Variants in ARHGAP22 observed in about 807,000 individuals in gnomAD.
ARHGAP22 encodes rho GTPase-activating protein 22.
In ARHGAP22, 48 loss-of-function variants were observed where a neutral mutation model predicts 59.1. The ratio of observed to expected loss-of-function variants is 0.81; its 90% CI spans 0.64 to 1.03. The LOEUF is 1.03. ARHGAP22 is among the 50% of genes least tolerant of loss of function. The pLI, the probability that ARHGAP22 is intolerant of heterozygous loss-of-function variation, is 0.00. For synonymous variants in ARHGAP22, 445 were observed against 416.4 expected (o/e 1.07, Z -0.84); for missense variants, 1,015 against 958.7 (o/e 1.06, Z -0.78).
chr10:48,435,110 C>T, the ARHGAP22 span: 1 of 1,078,680 alleles, frequency 9.3e-7, no homozygotes, highest in South Asian at 2.7e-5. Context: ...ATTCAGTGGT[C>T]TTATTTTTGG....
chr10:48,451,287 G>T, intron 8 of ARHGAP22, 147 bp from the exon 9 acceptor site: 1 of 1,123,386 alleles, frequency 8.9e-7, no homozygotes, highest in Non-Finnish European at 1.3e-6. Context: ...CATCCGCCCA[G>T]AGGAAAGGAC....
intron 2 of ARHGAP22, among the ~76,000 whole-genome samples, chr10:48,573,594 T>A (rs536691376): frequency 6.6e-6 from 1 of 152,376 alleles, no homozygotes; most frequent in African/African-American, 2.4e-5. Context: ...GCAACTTCCT[T>A]TTTATAATTC....
At chr10:48,593,223 C>A (rs1228790730) in intron 1 of ARHGAP22, among the ~76,000 whole-genome samples, 1 of 152,178 alleles carries the variant, frequency 6.6e-6, no homozygotes, top group Non-Finnish European at 1.5e-5. Context: ...AAACTGCTTC[C>A]CCCACTGCTC....
At chr10:48,609,679 G>A (rs922434645), upstream of ARHGAP22, among the ~76,000 whole-genome samples, 9 of 152,054 alleles carry the variant, frequency 5.9e-5, no homozygotes, top group Non-Finnish European at 1.2e-4. Context: ...GCATCCCTCT[G>A]GACCTTGTTC....
At chr10:48,627,327 T>C (rs2061486408) in intron 1 of ARHGAP22, among the ~76,000 whole-genome samples, 2 of 152,226 alleles carry the variant, frequency 1.3e-5, no homozygotes, top group Non-Finnish European at 2.9e-5. Flanking sequence ...TGGGCACCCA[T>C]TTTCATCTGA....
intron 2 of ARHGAP22, among the ~76,000 whole-genome samples, chr10:48,565,631 G>A (rs1373682358): frequency 6.6e-6 from 1 of 152,148 alleles, no homozygotes; most frequent in Non-Finnish European, 1.5e-5. Context: ...TGCCGCTTAG[G>A]TAGAACACAG....
At chr10:48,524,088 C>G in intron 3 of ARHGAP22, 2 of 1,459,004 alleles carry the variant, frequency 1.4e-6, no homozygotes, top group Non-Finnish European at 1.8e-6. Flanking sequence ...CCAGTCCTTG[C>G]AGCAGCACAG....
the ARHGAP22 span, chr10:48,435,110 C>A: frequency 1.9e-6 from 2 of 1,078,676 alleles, no homozygotes; most frequent in Non-Finnish European, 1.2e-6. Flanking sequence ...ATTCAGTGGT[C>A]TTATTTTTGG....
chr10:48,569,658 A>T (rs1325662078), intron 2 of ARHGAP22, among the ~76,000 whole-genome samples: 5 of 152,224 alleles, frequency 3.3e-5, no homozygotes, highest in Admixed American at 3.3e-4. Context: ...GAGACCTTTA[A>T]GTGCTGTAAA....
At chr10:48,653,043 T>G (rs569241203), upstream of ARHGAP22, among the ~76,000 whole-genome samples, 4 of 152,238 alleles carry the variant, frequency 2.6e-5, no homozygotes, top group African/African-American at 4.8e-5. Flanking sequence ...GACATAGTGG[T>G]CCTGGCAGTC....
At chr10:48,619,882 G>A (rs555297240) in intron 1 of ARHGAP22, among the ~76,000 whole-genome samples, 92 of 152,180 alleles carry the variant, frequency 6.0e-4, no homozygotes, top group African/African-American at 1.6e-3. Flanking sequence ...TCTGCAAAGC[G>A]AAGGAAACAA....
At chr10:48,442,556 C>A (rs1434700921), downstream of ARHGAP22, among the ~76,000 whole-genome samples, 1 of 152,138 alleles carries the variant, frequency 6.6e-6, no homozygotes, top group Non-Finnish European at 1.5e-5. Context: ...CCCCACCCAC[C>A]ACCAGTGTGC....
At chr10:48,434,752 T>C in the ARHGAP22 span, 1 of 612,486 alleles carries the variant, frequency 1.6e-6, no homozygotes. Flanking sequence ...TTGGATATCA[T>C]TTGCGATTAT....
At chr10:48,488,841 C>A (rs1295070924) in intron 3 of ARHGAP22, among the ~76,000 whole-genome samples, 1 of 152,192 alleles carries the variant, frequency 6.6e-6, no homozygotes, top group African/African-American at 2.4e-5. Flanking sequence ...CTGTGCAGCT[C>A]TTTCCTCCTC....
chr10:48,602,162 G>A (rs779666170), intron 1 of ARHGAP22, among the ~76,000 whole-genome samples: 19 of 152,164 alleles, frequency 1.2e-4, no homozygotes, highest in Non-Finnish European at 2.6e-4. Context: ...TTACTTTCTT[G>A]TGGGACAATC....
chr10:48,463,697 C>G (rs749580848), intron 4 of ARHGAP22, among the ~76,000 whole-genome samples: 7 of 152,198 alleles, frequency 4.6e-5, no homozygotes, highest in Non-Finnish European at 1.0e-4. Context: ...CCCAGATCCT[C>G]CCTTCAGCTT....
intron 1 of ARHGAP22, among the ~76,000 whole-genome samples, chr10:48,598,228 C>T (rs779197430): frequency 6.6e-5 from 10 of 152,210 alleles, no homozygotes; most frequent in Non-Finnish European, 1.3e-4. Context: ...AGAAGGAGAA[C>T]ATGAGGGTTG....
At chr10:48,583,535 TTA>T (rs2059244107) in intron 1 of ARHGAP22, among the ~76,000 whole-genome samples, 1 of 152,250 alleles carries the variant, frequency 6.6e-6, no homozygotes, top group African/African-American at 2.4e-5. Context: ...AACGATTCAT[TTA>T]TTCATTCAGC....
chr10:48,592,248 T>C (rs934180851), intron 1 of ARHGAP22, among the ~76,000 whole-genome samples: 13 of 152,198 alleles, frequency 8.5e-5, no homozygotes, highest in South Asian at 2.1e-4. Flanking sequence ...CTCGAACTCC[T>C]GGGCTCAAGC....
Sources: gnomAD v4.1 joint callset for allele counts (sites outside exome capture counted in the v4.1 genomes callset) on GRCh38, gnomAD v4.1.1 for gene constraint, MANE v1.5 for transcripts, NCBI Gene and HGNC (gene_info 2026-07-23, HGNC 2026-07-21) for gene names.